The following TMCC1 variants were observed in gnomAD, a reference collection of about 807,000 sequenced individuals.
TMCC1 encodes transmembrane and coiled-coil domains protein 1.
A neutral mutation model predicts 52.4 loss-of-function variants in TMCC1; 15 were observed. That is an observed-to-expected ratio of 0.29 (90% CI 0.19 to 0.44). The LOEUF is 0.44. TMCC1 is among the 20% of genes least tolerant of loss of function. TMCC1 has a pLI of 1.00. For missense variants in TMCC1, 503 were observed against 806.0 expected (o/e 0.62, Z 4.55); for synonymous variants, 279 against 301.9 (o/e 0.92, Z 0.79).
intron 4 of TMCC1, among the ~76,000 whole-genome samples, chr3:129,760,926 C>T (rs1048362616): frequency 6.6e-6 from 1 of 152,034 alleles, no homozygotes; most frequent in African/African-American, 2.4e-5. Context: ...TTACTATTTA[C>T]TAAATTCATA....
chr3:129,884,028 C>T (rs891511590), intron 1 of TMCC1, among the ~76,000 whole-genome samples: 68 of 152,086 alleles, frequency 4.5e-4, no homozygotes, highest in African/African-American at 1.5e-3. Flanking sequence ...CATAAAGAAA[C>T]GTCAACAGTA....
chr3:129,767,819 C>T (rs1048318195), intron 4 of TMCC1, among the ~76,000 whole-genome samples: 1 of 152,144 alleles, frequency 6.6e-6, no homozygotes, highest in African/African-American at 2.4e-5. Flanking sequence ...TAGCATGTAT[C>T]GGTACTTCAT....
At chr3:129,744,858 C>T (rs895109953) in intron 4 of TMCC1, among the ~76,000 whole-genome samples, 1 of 152,182 alleles carries the variant, frequency 6.6e-6, no homozygotes, top group Non-Finnish European at 1.5e-5. Flanking sequence ...GATTTCAAAT[C>T]CACGGTTTTC....
At chr3:129,789,157 A>G (rs2056268165) in intron 4 of TMCC1, among the ~76,000 whole-genome samples, 1 of 152,180 alleles carries the variant, frequency 6.6e-6, no homozygotes, top group Non-Finnish European at 1.5e-5. Flanking sequence ...CAGGACTGTT[A>G]ATTACATATA....
chr3:129,853,113 CTG>C (rs1369038725), intron 2 of TMCC1, among the ~76,000 whole-genome samples: 1 of 152,002 alleles, frequency 6.6e-6, no homozygotes, highest in Non-Finnish European at 1.5e-5. Context: ...TTGGTTAAAA[CTG>C]GGGTATAGTG....
chr3:129,848,768 A>G (rs1172381537), intron 2 of TMCC1, among the ~76,000 whole-genome samples: 1 of 152,114 alleles, frequency 6.6e-6, no homozygotes, highest in Non-Finnish European at 1.5e-5. Flanking sequence ...TCTCTAGTCT[A>G]TTCACTCCCA....
intron 1 of TMCC1, among the ~76,000 whole-genome samples, chr3:129,890,473 G>A (rs1228516180): frequency 1.3e-5 from 2 of 152,138 alleles, no homozygotes; most frequent in African/African-American, 2.4e-5. Context: ...CTTAAGTGCC[G>A]GGCTCTTTCA....
intron 4 of TMCC1, among the ~76,000 whole-genome samples, chr3:129,768,027 C>CA (rs1350929383): frequency 1.3e-4 from 20 of 152,014 alleles, no homozygotes; most frequent in Admixed American, 1.1e-3. Flanking sequence ...CTCATCTCTA[C>CA]AAAAAAATGC....
At chr3:129,734,737 T>A (rs989164840) in intron 4 of TMCC1, among the ~76,000 whole-genome samples, 1 of 152,018 alleles carries the variant, frequency 6.6e-6, no homozygotes, top group Non-Finnish European at 1.5e-5. Context: ...AAATTCAGGA[T>A]AGTACTTGTC....
chr3:129,732,503 T>C (rs796340828), intron 4 of TMCC1, among the ~76,000 whole-genome samples: 4 of 152,280 alleles, frequency 2.6e-5, no homozygotes, highest in African/African-American at 9.6e-5. Context: ...AGCTCAAAAA[T>C]TCATAATAAA....
At chr3:129,662,761 C>T (rs1576355856) in intron 5 of TMCC1, among the ~76,000 whole-genome samples, 1 of 152,260 alleles carries the variant, frequency 6.6e-6, no homozygotes, top group Admixed American at 6.5e-5. Flanking sequence ...ATGATGTTCA[C>T]GCACCTCCGC....
At chr3:129,693,921 C>T (rs993273464) in intron 4 of TMCC1, among the ~76,000 whole-genome samples, 2 of 152,128 alleles carry the variant, frequency 1.3e-5, no homozygotes, top group African/African-American at 2.4e-5. Flanking sequence ...ACTGTATATA[C>T]TGGAATCTCA....
intron 2 of TMCC1, among the ~76,000 whole-genome samples, chr3:129,875,163 A>G (rs182594282): frequency 2.6e-5 from 4 of 151,462 alleles, no homozygotes; most frequent in Non-Finnish European, 4.4e-5. Flanking sequence ...ATCTAGCCTG[A>G]GCAATACAGC....
At chr3:129,758,040 C>T (rs1560345965) in intron 4 of TMCC1, among the ~76,000 whole-genome samples, 1 of 152,024 alleles carries the variant, frequency 6.6e-6, no homozygotes, top group African/African-American at 2.4e-5. Context: ...ATACAAATAC[C>T]TGATATAACA....
At chr3:129,768,995 T>C (rs1242070810) in intron 4 of TMCC1, among the ~76,000 whole-genome samples, 4 of 152,060 alleles carry the variant, frequency 2.6e-5, no homozygotes, top group African/African-American at 9.7e-5. Flanking sequence ...CACAATATCG[T>C]AAGGGAAGAA....
intron 4 of TMCC1, among the ~76,000 whole-genome samples, chr3:129,699,893 G>A (rs1422509507): frequency 2.0e-5 from 3 of 152,104 alleles, no homozygotes; most frequent in African/African-American, 2.4e-5. Flanking sequence ...TCCAGCCTGG[G>A]AGACAGAGTG....
chr3:129,704,787 T>C (rs2048095842), intron 4 of TMCC1, among the ~76,000 whole-genome samples: 1 of 152,150 alleles, frequency 6.6e-6, no homozygotes, highest in African/African-American at 2.4e-5. Context: ...CAACCTCATA[T>C]CAGGCTTATA....
chr3:129,799,883 GTA>G (rs558403855), intron 4 of TMCC1, among the ~76,000 whole-genome samples: 152 of 152,144 alleles, frequency 1.0e-3, no homozygotes, highest in Middle Eastern at 3.4e-3. Context: ...TTTATTTTGT[GTA>G]TATGTGTATG....
rs541838382 is a variant in TMCC1, at chr3:129,653,888, A to G, written c.1647+1080T>C. Among the ~76,000 whole-genome samples, 9 of 152,370 alleles carry G rather than the reference A, an allele frequency of 5.9e-5. No individual in the cohort carries two copies. The South Asian group carries it at 1.9e-3, about 32-fold the overall frequency. On this transcript the variant is annotated intron_variant, in intron 6 of 6. Transcript: ENST00000393238. ...CTAATACATTAATGAAACATTAGTA[A>G]TGCATTAGTGACATAAAGTGCTAAT...
Sources: gnomAD v4.1 joint callset for allele counts (sites outside exome capture counted in the v4.1 genomes callset) on GRCh38, gnomAD v4.1.1 for gene constraint, MANE v1.5 for transcripts, NCBI Gene and HGNC (gene_info 2026-07-23, HGNC 2026-07-21) for gene names.